The following THSD4 variants were observed in gnomAD, a reference collection of about 807,000 sequenced individuals.
The protein encoded by THSD4 is thrombospondin type-1 domain-containing protein 4.
In THSD4, 69 loss-of-function variants were observed where a neutral mutation model predicts 119.0. The observed-to-expected ratio is 0.58, with a 90% CI of 0.48 to 0.71. THSD4 has a LOEUF of 0.71. THSD4 is among the 30% of genes least tolerant of loss of function. The probability of loss-of-function intolerance (pLI) is 0.00; values close to 1 mark genes in which losing one functional copy is unlikely to be tolerated. For synonymous variants in THSD4, 524 were observed against 540.4 expected (o/e 0.97, Z 0.42); for missense variants, 1,393 against 1,391.1 (o/e 1.00, Z -0.02).
At chr15:71,356,128 A>G (rs1035458968) in intron 6 of THSD4, among the ~76,000 whole-genome samples, 1 of 152,188 alleles carries the variant, frequency 6.6e-6, no homozygotes, top group Admixed American at 6.5e-5. Context: ...TCAGTATCCC[A>G]AAGTGCTGAG....
At chr15:71,720,030 T>C (rs1567117639) in intron 8 of THSD4, among the ~76,000 whole-genome samples, 1 of 60,030 alleles carries the variant, frequency 1.7e-5, no homozygotes, top group East Asian at 4.5e-4. Flanking sequence ...TGCTTTTTTT[T>C]TTTTTCTTTT....
At chr15:71,218,224 C>T (rs1362183299) in intron 4 of THSD4, among the ~76,000 whole-genome samples, 3 of 152,184 alleles carry the variant, frequency 2.0e-5, no homozygotes, top group African/African-American at 7.2e-5. Flanking sequence ...GATGTTACAC[C>T]TGAGGAATCA....
At chr15:71,324,234 A>G (rs1213640487) in intron 6 of THSD4, among the ~76,000 whole-genome samples, 1 of 151,818 alleles carries the variant, frequency 6.6e-6, no homozygotes, top group Non-Finnish European at 1.5e-5. Context: ...TGGCCCTTTG[A>G]CAACGCATGC....
intron 6 of THSD4, among the ~76,000 whole-genome samples, chr15:71,308,225 G>A (rs1230520530): frequency 6.6e-6 from 1 of 152,242 alleles, no homozygotes; most frequent in East Asian, 1.9e-4. Flanking sequence ...CAGTCCTTGA[G>A]GCAGGCCTTT....
At chr15:71,271,023 T>C (rs1567176886) in intron 6 of THSD4, among the ~76,000 whole-genome samples, 1 of 152,112 alleles carries the variant, frequency 6.6e-6, no homozygotes, top group Non-Finnish European at 1.5e-5. Flanking sequence ...AAAGAAAAGA[T>C]GCAAAGTGGG....
chr15:71,339,464 A>AT (rs1402474779), intron 6 of THSD4, among the ~76,000 whole-genome samples: 2 of 151,826 alleles, frequency 1.3e-5, no homozygotes, highest in East Asian at 1.9e-4. Context: ...ATTACTTTAT[A>AT]TTTTTTTACT....
chr15:71,255,103 A>T (rs534090351), intron 5 of THSD4, among the ~76,000 whole-genome samples: 1 of 152,282 alleles, frequency 6.6e-6, no homozygotes, highest in African/African-American at 2.4e-5. Context: ...TGATACATAC[A>T]GTAGATTTCT....
intron 8 of THSD4, among the ~76,000 whole-genome samples, chr15:71,716,015 A>C (rs2052600896): frequency 6.6e-6 from 1 of 152,198 alleles, no homozygotes. Context: ...ATTCTCTCAC[A>C]GTTCTGGAGA....
In THSD4 at chr15:71,524,378, A is replaced by G. The variant is rs1306624761; in HGVS notation, c.1152+112555A>G. ...TCTCTGGTACCTTCTTGACAGTAGA[A>G]GCTGTTGCTTTAGAGCAGTTGCAGC... On this transcript the variant is annotated intron_variant, in intron 7 of 17. Transcript: ENST00000261862. Among the ~76,000 whole-genome samples, 5 of 152,166 alleles carry G rather than the reference A, an allele frequency of 3.3e-5. No individual in the cohort carries two copies. The East Asian group carries it at 9.6e-4, about 29-fold the overall frequency.
At chr15:71,675,412 C>G (rs2051624412) in intron 8 of THSD4, among the ~76,000 whole-genome samples, 2 of 152,184 alleles carry the variant, frequency 1.3e-5, no homozygotes, top group Non-Finnish European at 2.9e-5. Flanking sequence ...GCCGTGCAAT[C>G]CTTGAAGACA....
At chr15:71,201,289 G>T (rs921599475) in intron 3 of THSD4, among the ~76,000 whole-genome samples, 8 of 152,300 alleles carry the variant, frequency 5.3e-5, no homozygotes, top group Non-Finnish European at 8.8e-5. Context: ...GGCCATCTGG[G>T]ATGCTAAACA....
At chr15:71,261,467 A>G (rs1444480715) in intron 6 of THSD4, among the ~76,000 whole-genome samples, 2 of 152,208 alleles carry the variant, frequency 1.3e-5, no homozygotes. Flanking sequence ...GACGCCAACC[A>G]GTTTGTGTGA....
chr15:71,681,806 G>A (rs1468121185), intron 8 of THSD4, among the ~76,000 whole-genome samples: 1 of 152,170 alleles, frequency 6.6e-6, no homozygotes, highest in African/African-American at 2.4e-5. Context: ...GGCTTGAGGT[G>A]GTACCAAGAT....
chr15:71,257,616 G>T (rs1173842747), intron 6 of THSD4, among the ~76,000 whole-genome samples: 2 of 152,172 alleles, frequency 1.3e-5, no homozygotes, highest in Non-Finnish European at 2.9e-5. Flanking sequence ...TTGATAGTGA[G>T]TTGTGATGAT....
chr15:71,607,180 T>G (rs765973212), intron 7 of THSD4, among the ~76,000 whole-genome samples: 4 of 152,110 alleles, frequency 2.6e-5, no homozygotes, highest in Non-Finnish European at 5.9e-5. Context: ...CCAGAAGTGG[T>G]GGAGGAACTC....
At chr15:71,213,792 A>G (rs7174056) in intron 3 of THSD4, among the ~76,000 whole-genome samples, 74,472 of 151,966 alleles carry the variant, frequency 0.49, 18,657 homozygotes, top group Admixed American at 0.6. Flanking sequence ...GGACATTATT[A>G]TCATTACTAA....
chr15:71,575,279 TA>T (rs2049429222), intron 7 of THSD4, among the ~76,000 whole-genome samples: 1 of 152,204 alleles, frequency 6.6e-6, no homozygotes, highest in South Asian at 2.1e-4. Flanking sequence ...CACCAGCAAA[TA>T]CAAAGACCAT....
At chr15:71,468,021 G>C (rs563750338) in intron 7 of THSD4, among the ~76,000 whole-genome samples, 7 of 152,010 alleles carry the variant, frequency 4.6e-5, no homozygotes, top group African/African-American at 1.7e-4. Flanking sequence ...GCTAATTTTT[G>C]TATTTTTAGT....
intron 7 of THSD4, among the ~76,000 whole-genome samples, chr15:71,634,400 G>A (rs765249865): frequency 3.3e-5 from 5 of 152,172 alleles, no homozygotes; most frequent in Non-Finnish European, 5.9e-5. Flanking sequence ...TTCTAGCTCA[G>A]TATCTGGGAA....
Sources: gnomAD v4.1 joint callset for allele counts (sites outside exome capture counted in the v4.1 genomes callset) on GRCh38, gnomAD v4.1.1 for gene constraint, MANE v1.5 for transcripts, NCBI Gene and HGNC (gene_info 2026-07-23, HGNC 2026-07-21) for gene names.